FARP1: variants seen among roughly 807,000 people sequenced by gnomAD.
FARP1 encodes FERM, ARH/RhoGEF and pleckstrin domain protein 1.
A neutral mutation model predicts 128.8 loss-of-function variants in FARP1; 52 were observed. The observed-to-expected ratio is 0.40, with a 90% CI of 0.32 to 0.51. The LOEUF (loss-of-function observed/expected upper bound fraction) is 0.51. FARP1 is among the 20% of genes least tolerant of loss of function. The pLI is 0.45. For synonymous variants in FARP1, 580 were observed against 551.8 expected, an observed-to-expected ratio of 1.05 and a Z score of -0.72; for missense variants, 1,333 against 1,367.9, an observed-to-expected ratio of 0.97 and a Z score of 0.40.
chr13:98,158,251 G>GA (rs1434939423), intron 1 of FARP1, among the ~76,000 whole-genome samples: 8 of 152,226 alleles, frequency 5.3e-5, no homozygotes, highest in African/African-American at 1.9e-4. Flanking sequence ...GCATGAAAAG[G>GA]AAAACCTTAA....
In FARP1 at chr13:98,199,394, C is replaced by A. The variant is rs565275078; in HGVS notation, c.-23-13826C>A. 2.9e-4 allele frequency among the ~76,000 whole-genome samples: 44 copies of A among 152,264 alleles called. 1 individual carries two copies. The South Asian group carries it at 9.1e-3, about 32-fold the overall frequency. On this transcript the variant is annotated intron_variant, in intron 1 of 26. Transcript: ENST00000319562. Reference sequence around the variant, plus strand: ...GATTATGCATCTCATAAAGACAAAACGATATTGTGCCACATTATTACTTTG... The same window carrying A: ...GATTATGCATCTCATAAAGACAAAAAGATATTGTGCCACATTATTACTTTG...
In FARP1 at chr13:98,412,321, A is replaced by T. The variant is rs1891223579; in HGVS notation, c.1826+287A>T. On this transcript the variant is annotated intron_variant, in intron 16 of 26. Transcript: ENST00000319562. ...AGACAGTCGTTACTTCTGGAGGGGC[A>T]ATAGGGATTATAAAGAGTAGGGGCT... Among the ~76,000 whole-genome samples the T allele has an allele frequency of 3.3e-5, 5 of 152,204 alleles. No homozygotes were observed. In the South Asian group the frequency reaches 1.0e-3, roughly 32 times the overall value.
At chr13:98,393,776 G>A (rs1270126291) in intron 12 of FARP1, 58 bp downstream of exon 12, 1 of 1,334,306 alleles carries the variant, frequency 7.5e-7, no homozygotes, top group Non-Finnish European at 1.1e-6. Flanking sequence ...CCTCCACGGA[G>A]CCCTGGGCTT....
At chr13:98,188,813 G>T (rs1594248509) in intron 1 of FARP1, among the ~76,000 whole-genome samples, 1 of 152,214 alleles carries the variant, frequency 6.6e-6, no homozygotes, top group Non-Finnish European at 1.5e-5. Context: ...TTCGGGGGGT[G>T]AAACGGGGAC....
In FARP1 at chr13:98,206,132, G is replaced by T. The variant is rs141902667; in HGVS notation, c.-23-7088G>T. On this transcript the variant is annotated intron_variant, in intron 1 of 26. Coordinates refer to ENST00000319562, the MANE Select transcript of FARP1 (RefSeq NM_005766.4). ...TTGCAGGAGCCTCAGTGGGCCAGCA[G>T]ACAGAGCCGTGTTCCATACTAATAG... is the stretch of plus-strand genomic sequence containing the variant. 2.5e-3 allele frequency among the ~76,000 whole-genome samples: 379 copies of T among 151,898 alleles called. 1 individual carries two copies. The highest frequency in any genetic ancestry group is 8.6e-3 in the African/African-American group (358 of 41,396).
chr13:98,279,104 G>T (rs756202481), intron 2 of FARP1, among the ~76,000 whole-genome samples: 1 of 151,844 alleles, frequency 6.6e-6, no homozygotes, highest in Non-Finnish European at 1.5e-5. Context: ...CAAAGTGCTG[G>T]GATTACAGGC....
chr13:98,155,953 T>G (rs1876470543), intron 1 of FARP1, among the ~76,000 whole-genome samples: 1 of 152,184 alleles, frequency 6.6e-6, no homozygotes, highest in Non-Finnish European at 1.5e-5. Flanking sequence ...AATCATTGAG[T>G]GCTGTCTTGG....
chr13:98,439,179 C>T lies in FARP1; in HGVS notation c.2416C>T (p.Pro806Ser). The change falls in exon 21 of 27, where the codon CCG becomes TCG. Residue 806 changes from proline to serine, a missense_variant. Physicochemically the swap from Pro to Ser is moderately conservative, Grantham distance 74. Transcript: ENST00000319562. ...SNQFKVHGQL[P>S]LYGMTIEESE... ...TCAGTTTAAAGTCCACGGGCAGCTCCCGCTCTATGGCATGACGGTGAGTAC... is the reference window on the plus strand; with the variant it reads ...TCAGTTTAAAGTCCACGGGCAGCTCTCGCTCTATGGCATGACGGTGAGTAC... 1 of 1,613,410 alleles carries T rather than the reference C, an allele frequency of 6.2e-7. No individual in the cohort carries two copies. The highest frequency in any genetic ancestry group is 1.7e-5 in the Admixed American group (1 of 59,982).
intron 13 of FARP1, among the ~76,000 whole-genome samples, chr13:98,408,971 A>G (rs1874858370): frequency 7.0e-6 from 1 of 143,320 alleles, no homozygotes; most frequent in East Asian, 1.9e-4. Context: ...TCATTTCCCC[A>G]TGTCTCATTG....
intron 2 of FARP1, among the ~76,000 whole-genome samples, chr13:98,214,444 TACAA>T (rs1445448490): frequency 3.3e-5 from 5 of 152,156 alleles, no homozygotes; most frequent in Non-Finnish European, 7.3e-5. Context: ...GCAGCCAACT[TACAA>T]ACAAACTCTG....
chr13:98,379,153 T>TATAATCTATATATA (rs1744577699), intron 6 of FARP1, among the ~76,000 whole-genome samples: 1 of 73,014 alleles, frequency 1.4e-5, no homozygotes, highest in African/African-American at 9.8e-5. Flanking sequence ...CTATATATAA[T>TATAATCTATATATA]ATATATATAA....
intron 2 of FARP1, chr13:98,244,541 T>C (rs1594315273): frequency 1.9e-6 from 3 of 1,614,086 alleles, no homozygotes; most frequent in Admixed American, 1.7e-5. Flanking sequence ...CCTGGACGGG[T>C]TGGGTACTGA....
intron 3 of FARP1, among the ~76,000 whole-genome samples, chr13:98,344,929 C>T (rs1236785087): frequency 6.6e-6 from 1 of 152,188 alleles, no homozygotes; most frequent in Non-Finnish European, 1.5e-5. Context: ...TCTCATTCTG[C>T]CTTCTCCTAT....
intron 9 of FARP1, 96 bp downstream of exon 9, chr13:98,388,574 C>T: frequency 1.1e-6 from 1 of 923,270 alleles, no homozygotes; most frequent in South Asian, 1.4e-5. Context: ...TTCTGCTGAA[C>T]CTCTGGCCAG....
intron 2 of FARP1, among the ~76,000 whole-genome samples, chr13:98,231,486 G>T (rs1882112415): frequency 6.6e-6 from 1 of 152,074 alleles, no homozygotes; most frequent in Non-Finnish European, 1.5e-5. Context: ...TGCCCAAGCT[G>T]GAGTGCAGTG....
intron 2 of FARP1, among the ~76,000 whole-genome samples, chr13:98,285,439 G>A (rs1222002518): frequency 6.6e-6 from 1 of 152,034 alleles, no homozygotes; most frequent in Admixed American, 6.6e-5. Flanking sequence ...AGAGCCCCTG[G>A]GAAGCTGCGT....
intron 2 of FARP1, among the ~76,000 whole-genome samples, chr13:98,341,505 G>A (rs766260628): frequency 6.6e-6 from 1 of 152,082 alleles, no homozygotes; most frequent in Admixed American, 6.5e-5. Context: ...GGTGGCGGGC[G>A]CCTGTAATCC....
rs774660968 is a variant in FARP1 at position 98,212,412 on chromosome 13, A to G, written c.-23-808A>G. ...AGTGGTAGAAGTTTCCAGGTGAAGA[A>G]AGAGGGCAAAGCACTCAGCCACAGC... is the stretch of plus-strand genomic sequence containing the variant. On this transcript the variant is annotated intron_variant, in intron 1 of 26. Transcript: ENST00000319562. 3.9e-5 allele frequency among the ~76,000 whole-genome samples: 6 copies of G among 152,332 alleles called. No individual in the cohort carries two copies. In the South Asian group the frequency reaches 1.0e-3, roughly 26 times the overall value.
chr13:98,281,761 C>T (rs988119418), intron 2 of FARP1, among the ~76,000 whole-genome samples: 1 of 152,190 alleles, frequency 6.6e-6, no homozygotes, highest in African/African-American at 2.4e-5. Context: ...CTGCGAGGCC[C>T]TCTGATTATT....
Sources: gnomAD v4.1 joint callset for allele counts (sites outside exome capture counted in the v4.1 genomes callset) on GRCh38, gnomAD v4.1.1 for gene constraint, MANE v1.5 for transcripts, NCBI Gene and HGNC (gene_info 2026-07-23, HGNC 2026-07-21) for gene names.